The following NBAS variants were observed in gnomAD, a reference collection of about 807,000 sequenced individuals.
NBAS encodes NAG/BC035112 fusion.
Under a neutral mutation model 302.5 loss-of-function variants are expected in NBAS, and 219 were observed. The ratio of observed to expected loss-of-function variants is 0.72; its 90% confidence interval spans 0.65 to 0.81. NBAS has a LOEUF of 0.81. NBAS is among the 30% of genes least tolerant of loss of function. The probability of loss-of-function intolerance (pLI) is 0.00; values close to 1 mark genes in which losing one functional copy is unlikely to be tolerated. For missense variants in NBAS, 2,932 were observed against 2,841.6 expected, an observed-to-expected ratio of 1.03 and a Z score of -0.72; for synonymous variants, 1,118 against 1,021.6, an observed-to-expected ratio of 1.09 and a Z score of -1.80.
chr2:15,091,002 T>C, the NBAS span, among the ~76,000 whole-genome samples: 1 of 152,138 alleles, frequency 6.6e-6, no homozygotes, highest in African/African-American at 2.4e-5. Flanking sequence ...ATTCAAAACA[T>C]ACCCCAAGCC....
chr2:14,935,348 C>A, the NBAS span, among the ~76,000 whole-genome samples: 1 of 152,082 alleles, frequency 6.6e-6, no homozygotes, highest in Non-Finnish European at 1.5e-5. Flanking sequence ...ACATCTATTT[C>A]TTGTTTGCCA....
intron 21 of NBAS, among the ~76,000 whole-genome samples, chr2:15,448,858 T>C (rs373139550): frequency 6.6e-6 from 1 of 152,196 alleles, no homozygotes; most frequent in Non-Finnish European, 1.5e-5. Context: ...CAAAGACACA[T>C]GGCTGTTACA....
intron 8 of NBAS, among the ~76,000 whole-genome samples, chr2:15,535,307 G>A (rs533508335): frequency 3.3e-5 from 5 of 152,052 alleles, no homozygotes; most frequent in African/African-American, 9.7e-5. Context: ...AGATCACAAC[G>A]TCAGGAGATC....
chr2:15,252,483 A>C (rs1668409982), intron 44 of NBAS, among the ~76,000 whole-genome samples: 1 of 152,068 alleles, frequency 6.6e-6, no homozygotes, highest in African/African-American at 2.4e-5. Context: ...GGGCAACAAG[A>C]GCGAAACTCC....
At chr2:15,271,495 G>C (rs1669321280) in intron 44 of NBAS, among the ~76,000 whole-genome samples, 1 of 152,178 alleles carries the variant, frequency 6.6e-6, no homozygotes, top group Non-Finnish European at 1.5e-5. Context: ...TGGGGGAAAG[G>C]GGAGTGGGTA....
chr2:15,123,586 A>G, the NBAS span, among the ~76,000 whole-genome samples: 2 of 152,104 alleles, frequency 1.3e-5, no homozygotes, highest in Admixed American at 1.3e-4. Context: ...CTCCTTGGTG[A>G]TAAGTGAGTT....
At chr2:15,546,112 T>G (rs926912048) in intron 6 of NBAS, among the ~76,000 whole-genome samples, 2 of 152,212 alleles carry the variant, frequency 1.3e-5, no homozygotes, top group Non-Finnish European at 2.9e-5. Context: ...ACCTAAAAAT[T>G]ACTCTTTTTT....
chr2:15,383,225 G>T lies in NBAS; in HGVS notation c.3350C>A (p.Ala1117Asp), dbSNP rs766508418. ...TGGTTCTAGAGTTACCTCATAGCAG[G>T]CATCAGAATCTAGACATGTGTATAC... is the stretch of plus-strand genomic sequence containing the variant. ...QNVYTCLDSD[A>D]CYEIFTESLL... The change falls in exon 29 of 52, where the codon GCC becomes GAC. Residue 1117 changes from alanine to aspartate, a missense_variant. By Grantham distance (126) the Ala-to-Asp change is moderately radical (BLOSUM62 -2). Coordinates refer to ENST00000281513, the MANE Select transcript of NBAS (RefSeq NM_015909.4). 20 of 1,612,844 alleles carry T rather than the reference G, an allele frequency of 1.2e-5. No homozygotes were observed. In the Admixed American group the frequency reaches 3.2e-4, roughly 26 times the overall value.
At chr2:14,981,001 T>C in the NBAS span, among the ~76,000 whole-genome samples, 1 of 151,016 alleles carries the variant, frequency 6.6e-6, no homozygotes, top group Admixed American at 6.6e-5. Flanking sequence ...AAAGATAAAA[T>C]CAGTTAATTA....
the NBAS span, among the ~76,000 whole-genome samples, chr2:14,967,717 A>C: frequency 6.6e-6 from 1 of 152,236 alleles, no homozygotes; most frequent in Non-Finnish European, 1.5e-5. Flanking sequence ...AATTGGACTT[A>C]ATCAAAATCA....
At chr2:15,396,349 G>T in intron 27 of NBAS, 64 bp downstream of exon 27, 3 of 1,328,624 alleles carry the variant, frequency 2.3e-6, no homozygotes, top group South Asian at 2.6e-5. Flanking sequence ...GACTTAATGT[G>T]ACATTTCTTG....
At chr2:15,382,214 C>T (rs901554010) in intron 29 of NBAS, among the ~76,000 whole-genome samples, 3 of 152,116 alleles carry the variant, frequency 2.0e-5, no homozygotes, top group East Asian at 1.9e-4. Context: ...CACGCGTGCA[C>T]GCACACACCC....
chr2:14,788,741 T>A, the NBAS span, among the ~76,000 whole-genome samples: 1 of 152,098 alleles, frequency 6.6e-6, no homozygotes. Flanking sequence ...CTGCCCCTAC[T>A]GGGGGGTGCC....
chr2:15,071,495 G>A, the NBAS span, among the ~76,000 whole-genome samples: 1 of 151,938 alleles, frequency 6.6e-6, no homozygotes, highest in Non-Finnish European at 1.5e-5. Context: ...GTGGCAGAGG[G>A]CACCTATAGT....
chr2:14,977,125 C>T, the NBAS span, among the ~76,000 whole-genome samples: 1 of 152,132 alleles, frequency 6.6e-6, no homozygotes. Context: ...AAAATCCAGA[C>T]TCTCAACCTT....
chr2:15,077,324 C>T, the NBAS span, among the ~76,000 whole-genome samples: 1 of 152,202 alleles, frequency 6.6e-6, no homozygotes, highest in Non-Finnish European at 1.5e-5. Context: ...AGGTCCCTCC[C>T]TCAACTCGTG....
chr2:15,238,575 C>T lies in NBAS; in HGVS notation c.5836G>A (p.Asp1946Asn), dbSNP rs761691682. 2.5e-6 allele frequency: 4 copies of T among 1,613,888 alleles called. No individual in the cohort carries two copies. In the African/African-American group the frequency reaches 5.3e-5, roughly 22 times the overall value. Residue 1946 changes from aspartate (D) to asparagine (N), a missense_variant, in exon 45 of 52, where the codon GAT becomes AAT. Physicochemically the swap from Asp to Asn is conservative, Grantham distance 23. Transcript: ENST00000281513. The stretch of plus-strand genomic sequence containing the variant: ...GTATCTGCATAGGTAACTTTAGAAT[C>T]CTTAGCTTCTTGAGCTTCGTCTTCT... ...NSEDEAQEAK[D>N]SKVTYADTLN...
intron 25 of NBAS, among the ~76,000 whole-genome samples, chr2:15,411,226 T>C (rs1376708559): frequency 6.6e-6 from 1 of 152,128 alleles, no homozygotes; most frequent in East Asian, 1.9e-4. Context: ...TTCTGACTCA[T>C]CATTTTAAAG....
the NBAS span, among the ~76,000 whole-genome samples, chr2:14,849,290 C>A: frequency 2.6e-5 from 4 of 152,136 alleles, no homozygotes; most frequent in Admixed American, 2.6e-4. Context: ...AATGCAGAAG[C>A]CTCAGGAGCC....
Sources: allele counts gnomAD v4.1 joint callset (sites outside exome capture counted in the v4.1 genomes callset), GRCh38; gene constraint gnomAD v4.1.1; transcripts MANE v1.5; gene names NCBI Gene and HGNC (gene_info 2026-07-23, HGNC 2026-07-21).